Variants in MAPDA observed in about 807,000 individuals in gnomAD.
MAPDA encodes N6-Methyl-AMP deaminase.
chr15:43,340,880 T>G, the MAPDA span, among the ~76,000 whole-genome samples: 2 of 152,254 alleles, frequency 1.3e-5, no homozygotes, highest in East Asian at 3.8e-4. Flanking sequence ...TGATTCTTGC[T>G]TCCTGCATCA....
At chr15:43,343,252 T>C in the MAPDA span, among the ~76,000 whole-genome samples, 1 of 152,242 alleles carries the variant, frequency 6.6e-6, no homozygotes, top group Non-Finnish European at 1.5e-5. Context: ...AGTTTATTCA[T>C]AAGGCAATAA....
the MAPDA span, chr15:43,336,773 T>C: frequency 9.3e-7 from 1 of 1,075,582 alleles, no homozygotes; most frequent in Non-Finnish European, 1.3e-6. Flanking sequence ...ATTTTTGCTC[T>C]CATTAAGAGT....
the MAPDA span, among the ~76,000 whole-genome samples, chr15:43,339,117 T>A: frequency 1.3e-5 from 2 of 152,214 alleles, no homozygotes; most frequent in Non-Finnish European, 2.9e-5. Context: ...AATTTCATGG[T>A]GTCAGTGACA....
chr15:43,342,423 A>T, the MAPDA span, among the ~76,000 whole-genome samples: 2 of 149,530 alleles, frequency 1.3e-5, no homozygotes, highest in African/African-American at 4.9e-5. Flanking sequence ...TTTCTGGACT[A>T]GGAGGAGAGA....
the MAPDA span, chr15:43,349,092 C>T: frequency 6.2e-7 from 1 of 1,612,754 alleles, no homozygotes; most frequent in Non-Finnish European, 8.5e-7. Context: ...CTGTCTCTCC[C>T]CCAATCCCCA....
the MAPDA span, chr15:43,340,419 G>A: frequency 4.4e-6 from 6 of 1,352,234 alleles, no homozygotes; most frequent in South Asian, 1.2e-5. Flanking sequence ...TCACATGTTT[G>A]TGAGTGGGAA....
chr15:43,348,834 C>T, the MAPDA span: 2 of 1,506,640 alleles, frequency 1.3e-6, no homozygotes, highest in Non-Finnish European at 1.8e-6. Flanking sequence ...GGCAGGGTAC[C>T]TAGCTATAGA....
the MAPDA span, among the ~76,000 whole-genome samples, chr15:43,348,594 A>C: frequency 1.3e-5 from 2 of 152,106 alleles, no homozygotes; most frequent in African/African-American, 4.8e-5. Context: ...AAATTACTTA[A>C]TTTTTCTCAG....
At chr15:43,341,216 G>T in the MAPDA span, among the ~76,000 whole-genome samples, 1,568 of 152,194 alleles carry the variant, frequency 0.01, 30 homozygotes, top group African/African-American at 0.036. Flanking sequence ...GAAACTTATT[G>T]TAAAGTATAA....
chr15:43,334,461 C>T, the MAPDA span, among the ~76,000 whole-genome samples: 3 of 150,836 alleles, frequency 2.0e-5, no homozygotes, highest in African/African-American at 7.3e-5. Context: ...GACCCTGTCT[C>T]TATTAAAAAT....
the MAPDA span, chr15:43,351,631 C>T: frequency 1.2e-5 from 11 of 914,600 alleles, no homozygotes; most frequent in South Asian, 1.8e-4. Context: ...ATTTGTAGGC[C>T]CTTGTTTAGA....
the MAPDA span, among the ~76,000 whole-genome samples, chr15:43,336,045 T>G: frequency 1.3e-5 from 2 of 152,158 alleles, no homozygotes; most frequent in Non-Finnish European, 2.9e-5. Context: ...GGGATATTCT[T>G]TCTTTTCTTT....
the MAPDA span, chr15:43,351,497 T>C: frequency 1.0e-5 from 5 of 479,890 alleles, no homozygotes; most frequent in Non-Finnish European, 1.8e-5. Flanking sequence ...GGGTGAGTCC[T>C]GGGCAGAGAT....
At chr15:43,350,477 G>A in the MAPDA span, among the ~76,000 whole-genome samples, 2 of 152,118 alleles carry the variant, frequency 1.3e-5, no homozygotes, top group African/African-American at 4.8e-5. Context: ...GTTCTTAGAA[G>A]CCATGGCAAA....
the MAPDA span, among the ~76,000 whole-genome samples, chr15:43,334,633 T>TTATTTATATATATATATATATA: frequency 1.5e-3 from 95 of 65,168 alleles, 1 homozygote; most frequent in Non-Finnish European, 2.9e-3. Flanking sequence ...CTCAAAAAAA[T>TTATTTATATATATATATATATA]TATATATATA....
chr15:43,339,425 A>T, the MAPDA span, among the ~76,000 whole-genome samples: 1 of 152,318 alleles, frequency 6.6e-6, no homozygotes, highest in African/African-American at 2.4e-5. Context: ...CTATGAATTC[A>T]CCAAGGTAGT....
At chr15:43,346,382 C>T in the MAPDA span, among the ~76,000 whole-genome samples, 1 of 152,138 alleles carries the variant, frequency 6.6e-6, no homozygotes, top group Admixed American at 6.6e-5. Flanking sequence ...CAGATTCAAG[C>T]AGAAATCTTG....
At chr15:43,348,132 G>A in the MAPDA span, among the ~76,000 whole-genome samples, 1 of 152,162 alleles carries the variant, frequency 6.6e-6, no homozygotes, top group East Asian at 1.9e-4. Flanking sequence ...ATTTAAAAAT[G>A]TTCTGAGCAT....
chr15:43,351,787 CAA>C, the MAPDA span: 2 of 1,551,258 alleles, frequency 1.3e-6, no homozygotes, highest in East Asian at 2.4e-5. Flanking sequence ...ACACCTTTCT[CAA>C]GAGTACCAGC....
Sources: allele counts gnomAD v4.1 joint callset (sites outside exome capture counted in the v4.1 genomes callset), GRCh38; gene constraint gnomAD v4.1.1; transcripts MANE v1.5; gene names NCBI Gene and HGNC (gene_info 2026-07-23, HGNC 2026-07-21).